The following OTUD7A variants were observed in gnomAD, a reference collection of about 807,000 sequenced individuals.
OTUD7A encodes the protein OTU deubiquitinase 7A.
OTUD7A carries 12 observed loss-of-function variants against 65.7 expected under a neutral mutation model. That is an observed-to-expected ratio of 0.18 (90% CI 0.12 to 0.30). The LOEUF is 0.30. Ranked by LOEUF, OTUD7A falls within the 10% of genes least tolerant of loss-of-function variation. The probability of loss-of-function intolerance (pLI) is 1.00; values close to 1 mark genes in which losing one functional copy is unlikely to be tolerated. For synonymous variants in OTUD7A, 641 were observed against 586.3 expected (o/e 1.09, Z -1.35); for missense variants, 1,148 against 1,304.8 (o/e 0.88, Z 1.85).
intron 1 of OTUD7A, among the ~76,000 whole-genome samples, chr15:31,727,419 C>CTT (rs11418682): frequency 3.9e-5 from 6 of 151,912 alleles, no homozygotes; most frequent in African/African-American, 1.2e-4. Flanking sequence ...ATCCACCCTC[C>CTT]TTTTTTTCCC....
At chr15:31,757,627 A>G (rs1362810228) in intron 1 of OTUD7A, among the ~76,000 whole-genome samples, 1 of 152,162 alleles carries the variant, frequency 6.6e-6, no homozygotes, top group Non-Finnish European at 1.5e-5. Flanking sequence ...GAATTGTACC[A>G]TGGGCAACCC....
intron 1 of OTUD7A, among the ~76,000 whole-genome samples, chr15:31,728,496 C>T (rs1248755113): frequency 6.6e-6 from 1 of 152,142 alleles, no homozygotes; most frequent in Non-Finnish European, 1.5e-5. Flanking sequence ...AACAGAAGAC[C>T]CTTTCTGTGA....
chr15:31,868,231 G>A (rs574028315), intron 1 of OTUD7A, among the ~76,000 whole-genome samples: 6 of 152,316 alleles, frequency 3.9e-5, no homozygotes, highest in African/African-American at 9.6e-5. Context: ...GGGATGAAGA[G>A]GCTTTAAAGC....
At chr15:31,803,716 G>T (rs1415922029) in intron 1 of OTUD7A, among the ~76,000 whole-genome samples, 1 of 152,222 alleles carries the variant, frequency 6.6e-6, no homozygotes. Context: ...CATCGCTGCA[G>T]TGAGTCACAT....
chr15:31,605,991 C>T (rs749446649), intron 3 of OTUD7A, among the ~76,000 whole-genome samples: 11 of 152,152 alleles, frequency 7.2e-5, no homozygotes, highest in Admixed American at 2.0e-4. Context: ...CTCTTGGAGT[C>T]CAGTTTCCAT....
At chr15:31,682,062 A>G (rs1892730373) in intron 1 of OTUD7A, among the ~76,000 whole-genome samples, 1 of 152,144 alleles carries the variant, frequency 6.6e-6, no homozygotes, top group Non-Finnish European at 1.5e-5. Context: ...AAAACCACAG[A>G]GGACTGGGGA....
intron 1 of OTUD7A, among the ~76,000 whole-genome samples, chr15:31,662,545 GTGTGACAAAA>G (rs1892196083): frequency 6.6e-6 from 1 of 152,082 alleles, no homozygotes; most frequent in Non-Finnish European, 1.5e-5. Flanking sequence ...TACATATCTT[GTGTGACAAAA>G]TGTTTCAGGT....
chr15:31,801,641 T>C (rs926752417), intron 1 of OTUD7A, among the ~76,000 whole-genome samples: 2 of 152,240 alleles, frequency 1.3e-5, no homozygotes, highest in African/African-American at 2.4e-5. Flanking sequence ...CTAAAGTAGC[T>C]TATTTCTGCT....
intron 3 of OTUD7A, among the ~76,000 whole-genome samples, chr15:31,616,711 T>C (rs1000719100): frequency 2.6e-5 from 4 of 152,094 alleles, no homozygotes; most frequent in Non-Finnish European, 5.9e-5. Flanking sequence ...GCCTGGCTAA[T>C]TTTTGTATTT....
chr15:31,629,306 T>C (rs1891066878), intron 3 of OTUD7A, among the ~76,000 whole-genome samples: 1 of 152,088 alleles, frequency 6.6e-6, no homozygotes, highest in South Asian at 2.1e-4. Flanking sequence ...GCATCAAGGG[T>C]TGTTGAATTT....
chr15:31,484,665 C>T lies in OTUD7A; in HGVS notation c.1431G>A (p.Leu477=), dbSNP rs1169874349. ...TASAGEDVQS[L]ADSLDSDRDS... Reference sequence around the variant, plus strand: ...CGCGGTCCGAGTCCAGCGAGTCGGCCAGGGACTGCACGTCCTCCCCTGCCG... The same window carrying T: ...CGCGGTCCGAGTCCAGCGAGTCGGCTAGGGACTGCACGTCCTCCCCTGCCG... The change falls in exon 13 of 13, where the codon CTG becomes CTA. Residue 477 remains leucine (L), a synonymous_variant. Transcript: ENST00000307050. The surrounding 1 kb of genome is among the most constrained non-coding windows in gnomAD (Gnocchi z 4.5). 1 of 1,582,530 alleles carries T rather than the reference C, an allele frequency of 6.3e-7. No homozygotes were observed. The highest frequency in any genetic ancestry group is 1.8e-5 in the Admixed American group (1 of 56,444).
intron 1 of OTUD7A, among the ~76,000 whole-genome samples, chr15:31,736,261 C>T (rs1276703604): frequency 1.3e-5 from 2 of 152,114 alleles, no homozygotes; most frequent in Non-Finnish European, 2.9e-5. Flanking sequence ...CACGTTTACA[C>T]TTGTAGTTGC....
intron 1 of OTUD7A, among the ~76,000 whole-genome samples, chr15:31,794,785 G>T (rs1895910131): frequency 6.6e-6 from 1 of 152,178 alleles, no homozygotes; most frequent in Non-Finnish European, 1.5e-5. Context: ...CAATTCATAA[G>T]AAGAGAGCCA....
At chr15:31,865,613 G>A (rs943564376) in intron 1 of OTUD7A, among the ~76,000 whole-genome samples, 15 of 152,138 alleles carry the variant, frequency 9.9e-5, no homozygotes, top group African/African-American at 2.9e-4. Context: ...TAGCCCTGGG[G>A]GCATGAAAAC....
chr15:31,608,109 T>C (rs1421132358), intron 3 of OTUD7A, among the ~76,000 whole-genome samples: 3 of 152,058 alleles, frequency 2.0e-5, no homozygotes, highest in African/African-American at 4.8e-5. Context: ...TAGCTGCGCA[T>C]GGTGGCACAT....
At position 31,561,784 on chromosome 15, in the gene OTUD7A, T is replaced by TCACACACACACACACACACA. The variant is rs3075495; in HGVS notation, c.332-2598_332-2597insTGTGTGTGTGTGTGTGTGTG. ...TCATCTCTCTCACACACACACAGAG[T>TCACACACACACACACACACA]CACACACACACACACACATTCACAC... is the stretch of plus-strand genomic sequence containing the variant. On this transcript the variant is annotated intron_variant, in intron 4 of 12. Transcript: ENST00000307050. Among the ~76,000 whole-genome samples the TCACACACACACACACACACA allele has an allele frequency of 3.5e-3, 533 of 150,522 alleles. 6 individuals carry two copies. The highest frequency in any genetic ancestry group is 0.013 in the African/African-American group (515 of 40,968).
rs542878836 is a variant in OTUD7A at position 31,554,915 on chromosome 15, C to T, written c.550+4054G>A. Among the ~76,000 whole-genome samples, 14 of 152,288 alleles carry T rather than the reference C, an allele frequency of 9.2e-5. No individual in the cohort carries two copies. In the East Asian group the frequency reaches 1.2e-3, roughly 13 times the overall value. ...CAGCTGGTTTTAGGCCCAGATGATC[C>T]GGCCCTTCTGTTGCCCTGAGACTGT... On this transcript the variant is annotated intron_variant, in intron 5 of 12. Coordinates refer to ENST00000307050, the MANE Select transcript of OTUD7A (RefSeq NM_001382637.1).
chr15:31,768,384 C>A (rs1355041945), intron 1 of OTUD7A, among the ~76,000 whole-genome samples: 1 of 152,198 alleles, frequency 6.6e-6, no homozygotes, highest in Admixed American at 6.5e-5. Flanking sequence ...TGATGCCAGG[C>A]ATGGTGGCTT....
At chr15:31,502,139 G>A (rs920140928) in intron 9 of OTUD7A, among the ~76,000 whole-genome samples, 1 of 152,210 alleles carries the variant, frequency 6.6e-6, no homozygotes, top group African/African-American at 2.4e-5. Context: ...TTTTCTGGAT[G>A]TACTTCTTCC....
Sources: gnomAD v4.1 joint callset for allele counts (sites outside exome capture counted in the v4.1 genomes callset) on GRCh38, gnomAD v4.1.1 for gene constraint, Gnocchi (gnomAD v3.1) non-coding constraint, MANE v1.5 for transcripts, NCBI Gene and HGNC (gene_info 2026-07-23, HGNC 2026-07-21) for gene names.